Variants in ATP9B observed in about 807,000 individuals in gnomAD.
ATP9B encodes the protein ATPase phospholipid transporting 9B.
In ATP9B, 110 loss-of-function variants were observed where a neutral mutation model predicts 146.1. The ratio of observed to expected loss-of-function variants is 0.75; its 90% confidence interval spans 0.65 to 0.88. The LOEUF is 0.88. Ranked by LOEUF, ATP9B falls within the 40% of genes least tolerant of loss-of-function variation. The pLI, the probability that ATP9B is intolerant of heterozygous loss-of-function variation, is 0.00. For synonymous variants in ATP9B, 604 were observed against 569.7 expected (o/e 1.06, Z -0.86); for missense variants, 1,499 against 1,496.4 (o/e 1.00, Z -0.03).
intron 12 of ATP9B, among the ~76,000 whole-genome samples, chr18:79,256,286 T>TATATATATACAC (rs398033647): frequency 8.1e-6 from 1 of 123,072 alleles, no homozygotes; most frequent in African/African-American, 3.2e-5. Context: ...TATATATATA[T>TATATATATACAC]ACATACATAG....
chr18:79,252,744 A>G (rs1330469721), intron 11 of ATP9B, among the ~76,000 whole-genome samples: 1 of 151,772 alleles, frequency 6.6e-6, no homozygotes, highest in Non-Finnish European at 1.5e-5. Flanking sequence ...AGAACACACA[A>G]TGTAAGATCT....
intron 4 of ATP9B, among the ~76,000 whole-genome samples, chr18:79,123,873 C>G (rs1199264853): frequency 6.6e-6 from 1 of 152,064 alleles, no homozygotes; most frequent in Non-Finnish European, 1.5e-5. Context: ...GACATTTACC[C>G]AAAGAAGATA....
At chr18:79,301,771 A>G (rs1054373348) in intron 13 of ATP9B, among the ~76,000 whole-genome samples, 1 of 152,252 alleles carries the variant, frequency 6.6e-6, no homozygotes, top group African/African-American at 2.4e-5. Flanking sequence ...GCCAAAATCT[A>G]TAGAACTGAG....
intron 12 of ATP9B, among the ~76,000 whole-genome samples, chr18:79,257,366 A>T (rs916477645): frequency 1.3e-5 from 2 of 152,240 alleles, no homozygotes; most frequent in Non-Finnish European, 1.5e-5. Flanking sequence ...GTCAAAGCTG[A>T]TGCACCGGCC....
chr18:79,299,023 A>T (rs2146363026), intron 13 of ATP9B, among the ~76,000 whole-genome samples: 1 of 152,196 alleles, frequency 6.6e-6, no homozygotes, highest in African/African-American at 2.4e-5. Context: ...TCTTTTCTAG[A>T]CTTCTGAAGA....
chr18:79,121,302 C>T (rs1271184949), intron 4 of ATP9B, among the ~76,000 whole-genome samples: 1 of 152,218 alleles, frequency 6.6e-6, no homozygotes, highest in African/African-American at 2.4e-5. Context: ...GTTGTCCAGT[C>T]TGTGTAACAC....
rs1555689295 is a variant in ATP9B, at chr18:79,118,390, G to GGTTTTTTTTTTTTTTTTTTT, written c.558+5036_558+5037insGTTTTTTTTTTTTTTTTTTT. Among the ~76,000 whole-genome samples, 5 of 93,238 alleles carry GGTTTTTTTTTTTTTTTTTTT rather than the reference G, an allele frequency of 5.4e-5. 1 individual carries two copies. The highest frequency in any genetic ancestry group is 1.3e-4 in the Admixed American group (1 of 7,692). 61.2% of individuals were successfully genotyped at this position (93,238 alleles called of 152,430 possible). The stretch of plus-strand genomic sequence containing the variant: ...AAACACAATCATATTGAACGTTTTT[G>GGTTTTTTTTTTTTTTTTTTT]TTTTTTTTTTTTTTTTTTTTTTTTT... On this transcript the variant is annotated intron_variant, in intron 4 of 29. Coordinates refer to ENST00000426216, the MANE Select transcript of ATP9B (RefSeq NM_198531.5).
intron 26 of ATP9B, among the ~76,000 whole-genome samples, chr18:79,366,396 A>G (rs1286704565): frequency 3.3e-5 from 5 of 152,222 alleles, no homozygotes; most frequent in Non-Finnish European, 7.3e-5. Flanking sequence ...GCCTTGGGAA[A>G]GGCGTTTGAC....
At chr18:79,097,401 G>A (rs369612682) in intron 2 of ATP9B, among the ~76,000 whole-genome samples, 11 of 150,994 alleles carry the variant, frequency 7.3e-5, no homozygotes, top group East Asian at 5.8e-4. Flanking sequence ...TTCAGACTAG[G>A]TTGATTACTT....
chr18:79,201,141 A>G (rs899254390), intron 9 of ATP9B, among the ~76,000 whole-genome samples: 5 of 152,226 alleles, frequency 3.3e-5, no homozygotes, highest in African/African-American at 9.6e-5. Flanking sequence ...AATTACTTCA[A>G]GTTCATTCAC....
intron 2 of ATP9B, among the ~76,000 whole-genome samples, chr18:79,108,328 A>G (rs2075789914): frequency 6.6e-6 from 1 of 152,198 alleles, no homozygotes; most frequent in African/African-American, 2.4e-5. Context: ...TTCAAGCATA[A>G]ACAGATAAAA....
intron 12 of ATP9B, among the ~76,000 whole-genome samples, chr18:79,270,029 C>T (rs919188661): frequency 5.3e-5 from 8 of 152,260 alleles, no homozygotes; most frequent in African/African-American, 1.9e-4. Flanking sequence ...GTTACTAGCA[C>T]TTAACATAAT....
chr18:79,245,734 A>ACACCGCCCTGCTGACTGAGGAGGG (rs2095944717), intron 11 of ATP9B, among the ~76,000 whole-genome samples: 9 of 111,198 alleles, frequency 8.1e-5, no homozygotes, highest in Admixed American at 3.0e-4. Flanking sequence ...TGTGTGGAGG[A>ACACCGCCCTGCTGACTGAGGAGGG]CACCGCCCTG....
chr18:79,356,204 C>G (rs1317750811), intron 25 of ATP9B, among the ~76,000 whole-genome samples: 1 of 152,154 alleles, frequency 6.6e-6, no homozygotes, highest in Non-Finnish European at 1.5e-5. Context: ...CGCCTCACGC[C>G]TGCCAGAATT....
Position 79,126,376 on chromosome 18 carries a change from G to T in ATP9B, c.667+1G>T. The T allele has an allele frequency of 6.2e-7, 1 of 1,602,298 alleles. No homozygotes were observed. The highest frequency in any genetic ancestry group is 8.5e-7 in the Non-Finnish European group (1 of 1,171,304). On this transcript the variant is annotated splice_donor_variant, in intron 5 of 29. Coordinates refer to ENST00000426216, the MANE Select transcript of ATP9B (RefSeq NM_198531.5). LOFTEE classifies it high-confidence loss of function. ...CTATATAGCAAGCTTACAGTAAGAG[G>T]TCAGCAAGATGCTTTAATCCTGCTT...
chr18:79,329,462 A>T (rs1216871126), intron 16 of ATP9B, among the ~76,000 whole-genome samples, 160 bp downstream of exon 16: 3 of 151,720 alleles, frequency 2.0e-5, no homozygotes, highest in African/African-American at 4.8e-5. Context: ...TAAGCTAATA[A>T]TCTATATCTG....
At chr18:79,245,592 A>T (rs1436505011) in intron 11 of ATP9B, among the ~76,000 whole-genome samples, 1 of 146,346 alleles carries the variant, frequency 6.8e-6, no homozygotes, top group Non-Finnish European at 1.5e-5. Context: ...GCACCGCCCT[A>T]ATGACTGTGC....
intron 19 of ATP9B, chr18:79,340,519 G>T (rs375570756): frequency 6.6e-6 from 1 of 152,126 alleles, no homozygotes; most frequent in African/African-American, 2.4e-5. Context: ...CAGGTGGAGC[G>T]TGCTTAAGCA....
chr18:79,097,287 A>T (rs993410155), intron 2 of ATP9B, among the ~76,000 whole-genome samples: 1 of 147,636 alleles, frequency 6.8e-6, no homozygotes, highest in Non-Finnish European at 1.5e-5. Flanking sequence ...ATATGGGCCT[A>T]TACTCCTCTG....
Sources: gnomAD v4.1 joint callset for allele counts (sites outside exome capture counted in the v4.1 genomes callset) on GRCh38, gnomAD v4.1.1 for gene constraint, MANE v1.5 for transcripts, NCBI Gene and HGNC (gene_info 2026-07-23, HGNC 2026-07-21) for gene names.